Variants in COL25A1 observed in about 807,000 individuals in gnomAD.
COL25A1 encodes collagen alpha-1(XXV) chain.
A neutral mutation model predicts 128.4 loss-of-function variants in COL25A1; 103 were observed. The observed-to-expected ratio is 0.80, with a 90% confidence interval of 0.68 to 0.94. The LOEUF (loss-of-function observed/expected upper bound fraction) is 0.94. Among genes scored for constraint, COL25A1 ranks in the 40% least tolerant of loss-of-function variants. The pLI is 0.00. For synonymous variants in COL25A1, 279 were observed against 277.2 expected (o/e 1.01, Z -0.06); for missense variants, 745 against 840.0 (o/e 0.89, Z 1.40).
intron 16 of COL25A1, among the ~76,000 whole-genome samples, chr4:108,895,767 G>A (rs920658226): frequency 2.6e-5 from 4 of 151,812 alleles, no homozygotes; most frequent in African/African-American, 9.7e-5. Flanking sequence ...GGTGGTGTTT[G>A]GTTAATGGAT....
chr4:108,814,285 T>G (rs1481377391), intron 37 of COL25A1, among the ~76,000 whole-genome samples: 1 of 150,924 alleles, frequency 6.6e-6, no homozygotes, highest in East Asian at 1.9e-4. Flanking sequence ...TTAAATTTAA[T>G]TTTGTATTTG....
intron 3 of COL25A1, among the ~76,000 whole-genome samples, chr4:109,276,411 C>CA (rs201350321): frequency 7.0e-3 from 650 of 93,202 alleles, no homozygotes; most frequent in East Asian, 0.022. Context: ...GACTCTGTCT[C>CA]AAAAAAAAAA....
At chr4:109,087,283 A>G (rs1044272900) in intron 3 of COL25A1, among the ~76,000 whole-genome samples, 5 of 152,138 alleles carry the variant, frequency 3.3e-5, no homozygotes, top group Non-Finnish European at 5.9e-5. Flanking sequence ...CTTTGAGGGA[A>G]GCAGCACGTA....
At chr4:109,218,357 GTTTTTTT>G (rs34056401) in intron 3 of COL25A1, among the ~76,000 whole-genome samples, 1 of 73,530 alleles carries the variant, frequency 1.4e-5, no homozygotes, top group South Asian at 7.1e-4. Flanking sequence ...GTTTTTTGGG[GTTTTTTT>G]TTTTTTTTTT....
chr4:108,867,777 T>C (rs989343283), intron 20 of COL25A1, among the ~76,000 whole-genome samples: 2 of 152,168 alleles, frequency 1.3e-5, no homozygotes, highest in African/African-American at 2.4e-5. Context: ...CCTTCTTTGA[T>C]TCATGAGTCT....
chr4:109,233,184 T>A (rs922889363), intron 3 of COL25A1, among the ~76,000 whole-genome samples: 1 of 152,186 alleles, frequency 6.6e-6, no homozygotes, highest in Non-Finnish European at 1.5e-5. Flanking sequence ...ATCATCTGTA[T>A]AGCATTCCAA....
At chr4:108,851,784 T>C (rs536436339) in intron 26 of COL25A1, among the ~76,000 whole-genome samples, 1 of 152,294 alleles carries the variant, frequency 6.6e-6, no homozygotes, top group Admixed American at 6.5e-5. Context: ...AAATGATTCC[T>C]AAAATTTTGA....
intron 16 of COL25A1, among the ~76,000 whole-genome samples, chr4:108,891,131 A>G (rs1741449623): frequency 6.6e-6 from 1 of 152,208 alleles, no homozygotes. Flanking sequence ...TGTAAGGTGA[A>G]CGAATGAACA....
chr4:109,032,435 CAA>C (rs1758952523), intron 5 of COL25A1, among the ~76,000 whole-genome samples: 1 of 152,168 alleles, frequency 6.6e-6, no homozygotes, highest in Non-Finnish European at 1.5e-5. Flanking sequence ...ACAAATAACA[CAA>C]AGAGGTTAGT....
rs562269869 is a variant in COL25A1 at position 108,966,987 on chromosome 4, A to T, written c.492+7380T>A. On this transcript the variant is annotated intron_variant, in intron 8 of 37. Transcript: ENST00000399132. ...AGAAAGAAAAAGAAAGAAAAGTTTT[A>T]TTAATACGTGTTCTACTAACTTACA... 7.2e-5 allele frequency among the ~76,000 whole-genome samples: 11 copies of T among 152,266 alleles called. No homozygotes were observed. The East Asian group carries it at 1.5e-3, about 21-fold the overall frequency.
chr4:108,861,119 G>T, intron 22 of COL25A1, 148 bp from the exon 23 acceptor site: 3 of 651,576 alleles, frequency 4.6e-6, no homozygotes, highest in Non-Finnish European at 8.2e-6. Context: ...AATAGCAAAT[G>T]CTTTTTTAAG....
At position 109,047,134 on chromosome 4, in the gene COL25A1, G is replaced by C. The variant is rs554694232; in HGVS notation, c.420+1034C>G. On this transcript the variant is annotated intron_variant, in intron 5 of 37. Transcript: ENST00000399132. Reference sequence around the variant, plus strand: ...TTCAAAGGGAGTGTTGCCTAAGGAGGGAGGACTGGTCCAAGCTCACTGGGG... The same window carrying C: ...TTCAAAGGGAGTGTTGCCTAAGGAGCGAGGACTGGTCCAAGCTCACTGGGG... Among the ~76,000 whole-genome samples, 16 of 152,272 alleles carry C rather than the reference G, an allele frequency of 1.1e-4. No individual in the cohort carries two copies. The South Asian group carries it at 3.3e-3, about 32-fold the overall frequency.
At chr4:109,050,455 C>T (rs1023681794) in intron 3 of COL25A1, among the ~76,000 whole-genome samples, 13 of 152,002 alleles carry the variant, frequency 8.6e-5, no homozygotes, top group African/African-American at 3.1e-4. Flanking sequence ...TTAATATCAT[C>T]AATAAAGAAA....
intron 6 of COL25A1, among the ~76,000 whole-genome samples, chr4:108,997,406 C>A (rs1012682852): frequency 1.3e-5 from 2 of 152,104 alleles, no homozygotes; most frequent in African/African-American, 4.8e-5. Flanking sequence ...TACTTACAAC[C>A]TCCCAAAACT....
chr4:108,862,524 T>C lies in COL25A1; in HGVS notation c.1174A>G (p.Thr392Ala). Residue 392 changes from threonine (T) to alanine (A), a missense_variant, in exon 22 of 38, where the codon ACT (threonine) becomes GCT (alanine). Coordinates refer to ENST00000399132, the MANE Select transcript of COL25A1 (RefSeq NM_198721.4). ...GPKGKQGESG[T>A]RGPKGSKGDR... ...ACCTTTGACCCCTTTGGGCCTCTAG[T>C]TCCTGATTCACCTTGTTTCCCCTAT... The C allele has an allele frequency of 5.0e-6, 8 of 1,612,246 alleles. No individual in the cohort carries two copies. The highest frequency in any genetic ancestry group is 6.8e-6 in the Non-Finnish European group (8 of 1,178,398).
intron 3 of COL25A1, among the ~76,000 whole-genome samples, chr4:109,238,240 T>C (rs1160984254): frequency 6.6e-6 from 1 of 152,050 alleles, no homozygotes; most frequent in African/African-American, 2.4e-5. Context: ...ACTTTTATTA[T>C]TGGGCTTAGA....
chr4:109,149,351 A>G (rs940365789), intron 3 of COL25A1, among the ~76,000 whole-genome samples: 1 of 152,212 alleles, frequency 6.6e-6, no homozygotes, highest in African/African-American at 2.4e-5. Context: ...AAATATTGAA[A>G]TATATAAAAA....
intron 5 of COL25A1, among the ~76,000 whole-genome samples, chr4:109,024,673 T>G (rs1015940041): frequency 3.9e-5 from 6 of 152,208 alleles, no homozygotes; most frequent in African/African-American, 1.4e-4. Context: ...ACATGATAAC[T>G]AATTAACTGC....
chr4:109,245,363 T>G (rs1228448416), intron 3 of COL25A1, among the ~76,000 whole-genome samples: 2 of 152,110 alleles, frequency 1.3e-5, no homozygotes, highest in Non-Finnish European at 2.9e-5. Context: ...AGAAAGGAAG[T>G]TTATTTTGGA....
Sources: gnomAD v4.1 joint callset for allele counts (sites outside exome capture counted in the v4.1 genomes callset) on GRCh38, gnomAD v4.1.1 for gene constraint, MANE v1.5 for transcripts, NCBI Gene and HGNC (gene_info 2026-07-23, HGNC 2026-07-21) for gene names.